HDAC9: variants seen among roughly 807,000 people sequenced by gnomAD.
The protein encoded by HDAC9 is MEF-2 interacting transcription repressor (MITR) protein.
Under a neutral mutation model 139.4 loss-of-function variants are expected in HDAC9, and 41 were observed. That is an observed-to-expected ratio of 0.29 (90% CI 0.23 to 0.38). The LOEUF (loss-of-function observed/expected upper bound fraction) is 0.38, where lower values mean the gene tolerates loss of function less well. Among genes scored for constraint, HDAC9 ranks in the 10% least tolerant of loss-of-function variants. The pLI is 1.00. For missense variants in HDAC9, 1,147 were observed against 1,297.0 expected, an observed-to-expected ratio of 0.88 and a Z score of 1.78; for synonymous variants, 517 against 476.2, an observed-to-expected ratio of 1.09 and a Z score of -1.12.
At chr7:18,290,657 GT>G (rs1797748369) in intron 1 of HDAC9, 10 of 389,318 alleles carry the variant, frequency 2.6e-5, no homozygotes, top group Non-Finnish European at 5.1e-5. Context: ...GAAGCAAAAG[GT>G]TTTCCAATCA....
chr7:18,451,401 G>GTGTATATATGTGTGTGTGTGTGTA (rs760861605), intron 1 of HDAC9, among the ~76,000 whole-genome samples: 1 of 135,212 alleles, frequency 7.4e-6, no homozygotes, highest in Non-Finnish European at 1.6e-5. Context: ...GTGTGTGTGT[G>GTGTATATATGTGTGTGTGTGTGTA]TATATATGTG....
intron 1 of HDAC9, among the ~76,000 whole-genome samples, chr7:18,091,093 G>T (rs1284540911): frequency 6.6e-6 from 1 of 152,132 alleles, no homozygotes; most frequent in Non-Finnish European, 1.5e-5. Context: ...AAGTATTTTT[G>T]AATAAGCAGA....
At chr7:18,274,714 T>A (rs895673798) in intron 2 of HDAC9, among the ~76,000 whole-genome samples, 1 of 152,208 alleles carries the variant, frequency 6.6e-6, no homozygotes, top group Non-Finnish European at 1.5e-5. Flanking sequence ...GATTGACATA[T>A]TGTCATGGAC....
intron 13 of HDAC9, among the ~76,000 whole-genome samples, chr7:18,732,446 G>C (rs553964816): frequency 8.0e-6 from 1 of 125,474 alleles, no homozygotes; most frequent in East Asian, 2.5e-4. Context: ...CTATCTGAAA[G>C]TATGTGTGTA....
At chr7:18,217,818 A>T (rs1475087196) in intron 2 of HDAC9, among the ~76,000 whole-genome samples, 1 of 152,234 alleles carries the variant, frequency 6.6e-6, no homozygotes, top group African/African-American at 2.4e-5. Flanking sequence ...AAATTTAACA[A>T]CTTAAAATGA....
chr7:18,128,875 A>G (rs1355617121), intron 1 of HDAC9, among the ~76,000 whole-genome samples: 1 of 148,936 alleles, frequency 6.7e-6, no homozygotes, highest in Admixed American at 6.7e-5. Context: ...TCCCTCTCTC[A>G]TTGCTCATTT....
rs139491615 is a variant in HDAC9, at chr7:18,586,995, T to TA, written c.264+1477dup. On this transcript the variant is annotated intron_variant, in intron 3 of 25. Coordinates refer to ENST00000686413, the MANE Select transcript of HDAC9 (RefSeq NM_178425.4). ...TGTTAAGATGGCAAAGAGAAATGAGTAAAATGTACATTTTTCACCATACTT... is the reference window on the plus strand; with the variant it reads ...TGTTAAGATGGCAAAGAGAAATGAGTAAAAATGTACATTTTTCACCATACTT... 5.0e-3 allele frequency among the ~76,000 whole-genome samples: 762 copies of TA among 152,226 alleles called. 8 individuals carry two copies. The highest frequency in any genetic ancestry group is 0.018 in the African/African-American group (734 of 41,576).
chr7:18,704,425 C>T (rs1783730591), intron 12 of HDAC9, among the ~76,000 whole-genome samples: 1 of 152,160 alleles, frequency 6.6e-6, no homozygotes, highest in Non-Finnish European at 1.5e-5. Flanking sequence ...TATTGCAATC[C>T]AATTTTCCTC....
intron 1 of HDAC9, among the ~76,000 whole-genome samples, chr7:18,104,103 C>T (rs569450987): frequency 6.9e-4 from 105 of 152,258 alleles, no homozygotes; most frequent in African/African-American, 2.2e-3. Context: ...AGAGAAAACC[C>T]GTGCAGACAA....
chr7:18,129,101 G>A (rs1317034122), intron 1 of HDAC9, among the ~76,000 whole-genome samples: 1 of 152,130 alleles, frequency 6.6e-6, no homozygotes, highest in Non-Finnish European at 1.5e-5. Context: ...CAAGGAGACT[G>A]GGATTTGACT....
chr7:18,101,423 T>G (rs1241429899), intron 1 of HDAC9, among the ~76,000 whole-genome samples: 2 of 152,206 alleles, frequency 1.3e-5, no homozygotes, highest in East Asian at 3.8e-4. Flanking sequence ...AAACTATTGC[T>G]TCATATTTTG....
chr7:18,526,876 C>G (rs1261488932), intron 2 of HDAC9, among the ~76,000 whole-genome samples: 2 of 152,054 alleles, frequency 1.3e-5, no homozygotes, highest in African/African-American at 4.8e-5. Context: ...TTAGGTTGAG[C>G]TTTAAAAAAT....
intron 23 of HDAC9, among the ~76,000 whole-genome samples, chr7:18,937,489 A>G (rs1052647381): frequency 2.0e-5 from 3 of 152,174 alleles, no homozygotes; most frequent in African/African-American, 7.2e-5. Flanking sequence ...CTGTACACCA[A>G]TAATGTCAAA....
chr7:18,488,317 T>C (rs1796120602), intron 1 of HDAC9, among the ~76,000 whole-genome samples: 1 of 152,000 alleles, frequency 6.6e-6, no homozygotes, highest in Non-Finnish European at 1.5e-5. Flanking sequence ...CCATTACGTG[T>C]CACTTAAAGG....
At chr7:18,712,766 T>C (rs1323582542) in intron 12 of HDAC9, among the ~76,000 whole-genome samples, 3 of 152,232 alleles carry the variant, frequency 2.0e-5, no homozygotes, top group African/African-American at 7.2e-5. Flanking sequence ...TAATTTTGAA[T>C]AGCAATGTTT....
At chr7:18,926,104 T>C (rs1248519731) in intron 22 of HDAC9, among the ~76,000 whole-genome samples, 1 of 152,158 alleles carries the variant, frequency 6.6e-6, no homozygotes. Context: ...ATCCCAGAAC[T>C]CTGGGAGGCC....
intron 17 of HDAC9, among the ~76,000 whole-genome samples, chr7:18,794,782 T>C (rs1355984350): frequency 6.6e-6 from 1 of 152,240 alleles, no homozygotes; most frequent in Non-Finnish European, 1.5e-5. Context: ...AAATAAAATT[T>C]GAACATCTTA....
chr7:18,098,461 ATTG>A (rs1782649852), intron 1 of HDAC9, among the ~76,000 whole-genome samples: 1 of 152,208 alleles, frequency 6.6e-6, no homozygotes, highest in African/African-American at 2.4e-5. Context: ...TAGAGATTTA[ATTG>A]TTGTCTTATG....
chr7:18,683,104 ACTTTT>A (rs142878123), intron 12 of HDAC9, among the ~76,000 whole-genome samples: 4,761 of 152,072 alleles, frequency 0.031, 224 homozygotes, highest in African/African-American at 0.1. Context: ...GAAATTCTGA[ACTTTT>A]CTTTTTTTTA....
Sources: allele counts gnomAD v4.1 joint callset (sites outside exome capture counted in the v4.1 genomes callset), GRCh38; gene constraint gnomAD v4.1.1; transcripts MANE v1.5; gene names NCBI Gene and HGNC (gene_info 2026-07-23, HGNC 2026-07-21).